Variants in SEL1L2 observed in about 807,000 individuals in gnomAD.
SEL1L2 encodes the protein protein sel-1 homolog 2.
Under a neutral mutation model 98.8 loss-of-function variants are expected in SEL1L2, and 89 were observed. That is an observed-to-expected ratio of 0.90 (90% CI 0.76 to 1.07). The LOEUF (loss-of-function observed/expected upper bound fraction) is 1.07. Ranked by LOEUF, SEL1L2 falls within the 50% of genes least tolerant of loss-of-function variation. SEL1L2 has a pLI of 0.00. For missense variants in SEL1L2, 788 were observed against 812.0 expected, an observed-to-expected ratio of 0.97 and a Z score of 0.36; for synonymous variants, 262 against 278.5, an observed-to-expected ratio of 0.94 and a Z score of 0.59.
chr20:13,851,545 T>A (rs74736880), intron 18 of SEL1L2: 1 of 148,622 alleles, frequency 6.7e-6, no homozygotes, highest in African/African-American at 2.5e-5. Context: ...TTTCAGGAGC[T>A]TTTTTTTTTC....
intron 2 of SEL1L2, among the ~76,000 whole-genome samples, chr20:13,954,785 A>C (rs1569035890): frequency 1.3e-5 from 2 of 152,172 alleles, no homozygotes; most frequent in Non-Finnish European, 2.9e-5. Context: ...ACTGACTTGC[A>C]AGATGCCAAG....
chr20:13,898,098 T>C (rs1051137040), intron 5 of SEL1L2, among the ~76,000 whole-genome samples: 2 of 152,134 alleles, frequency 1.3e-5, no homozygotes, highest in East Asian at 3.9e-4. Context: ...TTAAAAAATA[T>C]AATTATCATA....
chr20:13,913,958 A>G lies in SEL1L2; in HGVS notation c.387-14T>C. ...AGTAGGTAGGCTCTGTTTCAAGAAT[A>G]TAAAGTCAAGTTTGATTTTCAAAAA... is the stretch of plus-strand genomic sequence containing the variant. On this transcript the variant is annotated splice_polypyrimidine_tract_variant and intron_variant, in intron 4 of 19. Transcript: ENST00000284951. The G allele has an allele frequency of 6.5e-7, 1 of 1,546,626 alleles. No homozygotes were observed.
chr20:13,937,053 T>C (rs574449383), intron 2 of SEL1L2, among the ~76,000 whole-genome samples: 3 of 152,256 alleles, frequency 2.0e-5, no homozygotes, highest in Non-Finnish European at 4.4e-5. Flanking sequence ...GTTCCACAGA[T>C]AGAATAGATT....
chr20:13,849,733 G>T, intron 19 of SEL1L2, 129 bp from the exon 20 acceptor site: 1 of 1,124,206 alleles, frequency 8.9e-7, no homozygotes, highest in Non-Finnish European at 1.3e-6. Flanking sequence ...TTCAGTCTTG[G>T]AAGACACAAT....
At chr20:13,966,027 A>T (rs906101725) in intron 1 of SEL1L2, among the ~76,000 whole-genome samples, 1 of 152,030 alleles carries the variant, frequency 6.6e-6, no homozygotes, top group African/African-American at 2.4e-5. Flanking sequence ...AACTTTTGGA[A>T]TATTATGAGA....
chr20:13,984,443 A>G (rs764303223), intron 1 of SEL1L2, among the ~76,000 whole-genome samples: 62 of 152,024 alleles, frequency 4.1e-4, no homozygotes, highest in Non-Finnish European at 2.1e-4. Flanking sequence ...ATTGTTGGCA[A>G]TTTCTATGTT....
intron 11 of SEL1L2, among the ~76,000 whole-genome samples, chr20:13,876,563 C>T (rs2147907349): frequency 6.6e-6 from 1 of 152,280 alleles, no homozygotes; most frequent in Non-Finnish European, 1.5e-5. Context: ...AAGAACATGC[C>T]TTTCCAGAGG....
chr20:13,976,565 TAGAA>T (rs2051549393), intron 1 of SEL1L2, among the ~76,000 whole-genome samples: 1 of 152,008 alleles, frequency 6.6e-6, no homozygotes, highest in Non-Finnish European at 1.5e-5. Flanking sequence ...TAAGACAAAA[TAGAA>T]AGGAAGCTAG....
chr20:13,877,069 C>G (rs2046467322), intron 11 of SEL1L2, among the ~76,000 whole-genome samples: 1 of 152,196 alleles, frequency 6.6e-6, no homozygotes, highest in South Asian at 2.1e-4. Context: ...AAACAATCCA[C>G]CTGCCTCAGC....
At chr20:13,860,605 T>C (rs1051346810) in intron 17 of SEL1L2, among the ~76,000 whole-genome samples, 32 of 152,140 alleles carry the variant, frequency 2.1e-4, no homozygotes, top group African/African-American at 6.5e-4. Flanking sequence ...ACTTCCTAAA[T>C]GTGGAATGTC....
At chr20:13,897,885 C>CA (rs36054477) in intron 5 of SEL1L2, among the ~76,000 whole-genome samples, 5,256 of 149,654 alleles carry the variant, frequency 0.035, 142 homozygotes, top group Non-Finnish European at 0.059. Flanking sequence ...AAAAACAAAA[C>CA]AAAAAAAAAC....
chr20:13,980,192 A>C (rs1449529182), intron 1 of SEL1L2, among the ~76,000 whole-genome samples: 1 of 152,204 alleles, frequency 6.6e-6, no homozygotes, highest in Non-Finnish European at 1.5e-5. Flanking sequence ...ATGAAAGATG[A>C]GAAGTGTTGG....
intron 12 of SEL1L2, among the ~76,000 whole-genome samples, chr20:13,872,711 G>GGATCCCAGGGACTCAT (rs2046259268): frequency 6.6e-6 from 1 of 151,992 alleles, no homozygotes. Context: ...GGAGTCCCTG[G>GGATCCCAGGGACTCAT]GATCCCAGGG....
chr20:13,876,627 A>G (rs2046444501), intron 11 of SEL1L2, among the ~76,000 whole-genome samples: 1 of 152,094 alleles, frequency 6.6e-6, no homozygotes, highest in Non-Finnish European at 1.5e-5. Flanking sequence ...CAGAGGTGGC[A>G]TAAGGATAGC....
chr20:13,872,268 T>C (rs2046237706), intron 12 of SEL1L2, among the ~76,000 whole-genome samples: 1 of 152,138 alleles, frequency 6.6e-6, no homozygotes, highest in Admixed American at 6.5e-5. Context: ...TCATCTTGAA[T>C]TGTAGTTCCT....
intron 18 of SEL1L2, among the ~76,000 whole-genome samples, chr20:13,854,505 AT>A (rs1988825771): frequency 6.6e-6 from 1 of 152,076 alleles, no homozygotes; most frequent in East Asian, 1.9e-4. Flanking sequence ...ATGGTACTTT[AT>A]TTTTAATTCT....
chr20:13,964,476 G>A (rs777283766), intron 1 of SEL1L2, among the ~76,000 whole-genome samples: 256 of 122,980 alleles, frequency 2.1e-3, no homozygotes, highest in South Asian at 2.8e-3. Context: ...TTCTGAGACA[G>A]AGTTTCGCTC....
chr20:13,930,981 C>A (rs1884561), intron 3 of SEL1L2, among the ~76,000 whole-genome samples: 137,566 of 151,504 alleles, frequency 0.91, 62,582 homozygotes, highest in East Asian at 1. Context: ...AAATTAAAAA[C>A]ATTAGTTGGG....
Sources: allele counts gnomAD v4.1 joint callset (sites outside exome capture counted in the v4.1 genomes callset), GRCh38; gene constraint gnomAD v4.1.1; transcripts MANE v1.5; gene names NCBI Gene and HGNC (gene_info 2026-07-23, HGNC 2026-07-21).